IPO7: variants seen among roughly 807,000 people sequenced by gnomAD.
IPO7 encodes the protein importin 7.
In IPO7, 13 loss-of-function variants were observed where a neutral mutation model predicts 136.4. That is an observed-to-expected ratio of 0.10 (90% confidence interval 0.06 to 0.15). IPO7 has a LOEUF of 0.15. Among genes scored for constraint, IPO7 ranks in the 10% least tolerant of loss-of-function variants. IPO7 has a pLI of 1.00. For synonymous variants in IPO7, 403 were observed against 404.4 expected, an observed-to-expected ratio of 1.00 and a Z score of 0.04; for missense variants, 857 against 1,240.6, an observed-to-expected ratio of 0.69 and a Z score of 4.65.
Position 9,447,661 on chromosome 11 carries a change from A to G in IPO7, c.*2467A>G, listed in dbSNP as rs1264801279. The G allele has an allele frequency of 6.6e-6, 1 of 152,026 alleles. No individual in the cohort carries two copies. Among genetic ancestry groups the G allele is most frequent in the Admixed American group, 6.6e-5 (1 of 15,248 alleles). The allele number at this position is 152,026 out of a possible 1,614,324, so 9.4% of individuals were successfully genotyped here. A position where few individuals can be genotyped will look rare whatever the true frequency, so the allele number is the denominator to read the frequency against. ...TACCCTGTAATTTTTTTTTAGTTGT[A>G]GAAGTTAATTCTGATTTTGTGTGGA... On this transcript the variant is annotated 3_prime_UTR_variant, in exon 25 of 25. Transcript: ENST00000379719.
intron 19 of IPO7, among the ~76,000 whole-genome samples, chr11:9,435,420 C>T (rs1303561857): frequency 1.3e-5 from 2 of 152,172 alleles, no homozygotes; most frequent in Non-Finnish European, 2.9e-5. Flanking sequence ...GAATGTCCCC[C>T]TTTTGTTTGG....
At chr11:9,424,538 G>GT (rs1217779893) in intron 10 of IPO7, among the ~76,000 whole-genome samples, 1 of 152,178 alleles carries the variant, frequency 6.6e-6, no homozygotes, top group African/African-American at 2.4e-5. Flanking sequence ...GAGGTCAGGA[G>GT]TTTGAGACCA....
At chr11:9,435,119 T>C in intron 19 of IPO7, 88 bp downstream of exon 19, 2 of 799,438 alleles carry the variant, frequency 2.5e-6, no homozygotes, top group South Asian at 3.0e-5. Flanking sequence ...CACATTGTAG[T>C]AATAAACATG....
At chr11:9,406,582 T>G (rs1854891130) in intron 2 of IPO7, among the ~76,000 whole-genome samples, 1 of 152,082 alleles carries the variant, frequency 6.6e-6, no homozygotes, top group Non-Finnish European at 1.5e-5. Flanking sequence ...AAAAGTTATA[T>G]ACTTGGGGCT....
In IPO7 at chr11:9,414,260, A is replaced by G; in HGVS notation, c.485A>G (p.Lys162Arg). 6.2e-7 allele frequency: 1 copy of G among 1,607,244 alleles called. No individual in the cohort carries two copies. Among genetic ancestry groups the G allele is most frequent in the Non-Finnish European group, 8.5e-7 (1 of 1,177,912 alleles). Reference protein sequence around the residue: ...LYQLVKNYEYKKPEERSPLVA... With the variant: ...LYQLVKNYEYRKPEERSPLVA... Reference sequence around the variant, plus strand: ...GTTTGTATTCCTACTCAAAGGTATAAAAAACCAGAGGAGCGGAGTCCATTG... The same window carrying G: ...GTTTGTATTCCTACTCAAAGGTATAGAAAACCAGAGGAGCGGAGTCCATTG... Residue 162 changes from lysine (K) to arginine (R), a missense_variant, in exon 5 of 25, where the codon AAA becomes AGA. By Grantham distance (26) the Lys-to-Arg change is conservative. Coordinates refer to ENST00000379719, the MANE Select transcript of IPO7 (RefSeq NM_006391.3).
chr11:9,407,899 T>C (rs746061679), intron 2 of IPO7, among the ~76,000 whole-genome samples: 1 of 152,200 alleles, frequency 6.6e-6, no homozygotes, highest in African/African-American at 2.4e-5. Context: ...TTTTGTCAAA[T>C]AGCAATGTGC....
intron 1 of IPO7, among the ~76,000 whole-genome samples, chr11:9,398,076 G>A (rs1422337914): frequency 6.6e-6 from 1 of 152,212 alleles, no homozygotes; most frequent in African/African-American, 2.4e-5. Flanking sequence ...AACTGCCCTA[G>A]TAGTGTGGAT....
chr11:9,406,987 T>G (rs1022083482), intron 2 of IPO7, among the ~76,000 whole-genome samples: 3 of 152,250 alleles, frequency 2.0e-5, no homozygotes, highest in Admixed American at 2.0e-4. Context: ...CTGTCTTTGC[T>G]CAAGCATTCT....
intron 2 of IPO7, among the ~76,000 whole-genome samples, chr11:9,407,574 G>A (rs1475729244): frequency 6.6e-6 from 1 of 151,758 alleles, no homozygotes; most frequent in African/African-American, 2.4e-5. Context: ...CTTGTTGAGG[G>A]GTATTTTAAT....
chr11:9,397,216 G>A (rs895498143), intron 1 of IPO7, among the ~76,000 whole-genome samples: 7 of 149,466 alleles, frequency 4.7e-5, no homozygotes, highest in Non-Finnish European at 7.4e-5. Context: ...AACTGCAAAC[G>A]CATGCTTCCA....
At chr11:9,407,427 G>T (rs537513625) in intron 2 of IPO7, among the ~76,000 whole-genome samples, 1 of 152,056 alleles carries the variant, frequency 6.6e-6, no homozygotes, top group Non-Finnish European at 1.5e-5. Flanking sequence ...GGTGGTGCAT[G>T]CCTGTAAACC....
At chr11:9,406,961 G>A (rs530254802) in intron 2 of IPO7, among the ~76,000 whole-genome samples, 2 of 152,306 alleles carry the variant, frequency 1.3e-5, no homozygotes, top group South Asian at 2.1e-4. Context: ...GCTGGATTTC[G>A]AATGATTAGT....
intron 6 of IPO7, among the ~76,000 whole-genome samples, chr11:9,419,129 C>T (rs999689800): frequency 6.6e-6 from 1 of 152,096 alleles, no homozygotes; most frequent in South Asian, 2.1e-4. Flanking sequence ...GGAATTGGGT[C>T]ATAAGGTAGG....
chr11:9,445,128 C>T lies in IPO7; in HGVS notation c.3051C>T (p.Tyr1017=). Residue 1017 remains tyrosine, a synonymous_variant, in exon 25 of 25, where the codon TAC becomes TAT. Transcript: ENST00000379719. ...AAATGATTGAGAAGCATGGAGGATA[C>T]AAATTCAGTGCTCCAGTTGTGCCAA... ...ESKMIEKHGG[Y]KFSAPVVPSS... 16 of 1,612,076 alleles carry T rather than the reference C, an allele frequency of 9.9e-6. No homozygotes were observed. The highest frequency in any genetic ancestry group is 1.4e-5 in the Non-Finnish European group (16 of 1,178,204).
Position 9,436,280 on chromosome 11 carries a change from G to A in IPO7, c.2182G>A (p.Gly728Arg). ...IYSMCKKVLT[G>R]VAGEDAECHA... The stretch of plus-strand genomic sequence containing the variant: ...ATTCTGTTTTGATCAGGTTCTTACA[G>A]GAGTTGCAGGAGAAGATGCAGAGTG... Residue 728 changes from glycine (G) to arginine (R), a missense_variant, in exon 20 of 25, where the codon GGA (glycine) becomes AGA (arginine). Physicochemically the swap from Gly to Arg is moderately radical, Grantham distance 125 (BLOSUM62 -2). This residue lies in a region of IPO7 where 190 missense variants were observed against 249.0 expected (regional missense o/e 0.76). Coordinates refer to ENST00000379719, the MANE Select transcript of IPO7 (RefSeq NM_006391.3). 1 of 1,611,758 alleles carries A rather than the reference G, an allele frequency of 6.2e-7. No homozygotes were observed. Among genetic ancestry groups the A allele is most frequent in the Non-Finnish European group, 8.5e-7 (1 of 1,177,874 alleles).
intron 24 of IPO7, among the ~76,000 whole-genome samples, chr11:9,444,586 AACTCCTG>A (rs1855502548): frequency 6.6e-6 from 1 of 151,524 alleles, no homozygotes; most frequent in South Asian, 2.1e-4. Context: ...TGGTCTCAAA[AACTCCTG>A]ACTCCTGAGG....
chr11:9,405,741 A>T (rs12276823), intron 2 of IPO7, among the ~76,000 whole-genome samples: 2,126 of 152,316 alleles, frequency 0.014, 45 homozygotes, highest in African/African-American at 0.048. Flanking sequence ...TTTAAAAGCA[A>T]ACAATTTTAT....
intron 2 of IPO7, among the ~76,000 whole-genome samples, chr11:9,404,652 G>A (rs1314049979): frequency 4.3e-5 from 6 of 139,026 alleles, no homozygotes; most frequent in Non-Finnish European, 6.1e-5. Flanking sequence ...TGCAAGCTCC[G>A]CCTCCCGTGT....
intron 1 of IPO7, among the ~76,000 whole-genome samples, chr11:9,394,880 T>G (rs941082727): frequency 2.0e-5 from 3 of 152,220 alleles, no homozygotes; most frequent in African/African-American, 7.2e-5. Flanking sequence ...TGATGACAGA[T>G]AATGAGAAGG....
Sources: gnomAD v4.1 joint callset for allele counts (sites outside exome capture counted in the v4.1 genomes callset) on GRCh38, gnomAD v4.1.1 for gene constraint, gnomAD v4.1.1 regional missense constraint, MANE v1.5 for transcripts, NCBI Gene and HGNC (gene_info 2026-07-23, HGNC 2026-07-21) for gene names.